ZBBX: variants seen among roughly 807,000 people sequenced by gnomAD.
ZBBX encodes zinc finger B-box domain-containing protein 1.
In ZBBX, 101 loss-of-function variants were observed where a neutral mutation model predicts 108.5. The observed-to-expected ratio is 0.93, with a 90% CI of 0.79 to 1.10. The LOEUF is 1.10. ZBBX is among the 50% of genes least tolerant of loss of function. The probability of loss-of-function intolerance (pLI) is 0.00; values close to 1 mark genes in which losing one functional copy is unlikely to be tolerated. For missense variants in ZBBX, 1,009 were observed against 941.4 expected (o/e 1.07, Z -0.94); for synonymous variants, 356 against 323.4 (o/e 1.10, Z -1.08).
At chr3:167,380,905 C>CACACAG (rs1252699885), upstream of ZBBX, among the ~76,000 whole-genome samples, 2 of 148,980 alleles carry the variant, frequency 1.3e-5, no homozygotes, top group South Asian at 2.1e-4. Flanking sequence ...CACACACACA[C>CACACAG]AGTTAACCCA....
chr3:167,342,703 T>G (rs1740747107), intron 9 of ZBBX, among the ~76,000 whole-genome samples: 1 of 151,588 alleles, frequency 6.6e-6, no homozygotes, highest in Admixed American at 6.6e-5. Context: ...TTAAAATATC[T>G]CATATAAGCA....
intron 1 of ZBBX, among the ~76,000 whole-genome samples, chr3:167,406,239 G>T (rs533476231): frequency 2.6e-5 from 4 of 152,186 alleles, no homozygotes; most frequent in South Asian, 2.1e-4. Context: ...CTATAAAGAA[G>T]AATGTGATAA....
chr3:167,279,011 C>T (rs1174854626), intron 20 of ZBBX, among the ~76,000 whole-genome samples: 2 of 152,068 alleles, frequency 1.3e-5, no homozygotes. Context: ...ACATGATTAT[C>T]TCAATAGATG....
chr3:167,394,581 G>A (rs531201863), intron 1 of ZBBX, among the ~76,000 whole-genome samples: 12 of 151,714 alleles, frequency 7.9e-5, no homozygotes, highest in Non-Finnish European at 1.3e-4. Flanking sequence ...ATTGGGAAGA[G>A]AGGTAAGAAT....
intron 20 of ZBBX, among the ~76,000 whole-genome samples, chr3:167,260,690 T>C (rs1169877051): frequency 6.6e-6 from 1 of 152,198 alleles, no homozygotes; most frequent in Non-Finnish European, 1.5e-5. Flanking sequence ...TATTGTTTTG[T>C]CTTTAAGCTA....
chr3:167,337,485 C>A (rs146856691), intron 9 of ZBBX, among the ~76,000 whole-genome samples: 1 of 152,172 alleles, frequency 6.6e-6, no homozygotes, highest in Admixed American at 6.5e-5. Context: ...TGCCACTGCA[C>A]TCCATCCTGG....
the ZBBX span, among the ~76,000 whole-genome samples, chr3:167,221,567 A>T: frequency 6.6e-6 from 1 of 151,952 alleles, no homozygotes; most frequent in Non-Finnish European, 1.5e-5. Flanking sequence ...TGAAACTACT[A>T]CAATTAGAGA....
At chr3:167,263,035 C>CTTTTT (rs59613369) in intron 20 of ZBBX, among the ~76,000 whole-genome samples, 11 of 84,874 alleles carry the variant, frequency 1.3e-4, no homozygotes, top group Non-Finnish European at 1.8e-4. Flanking sequence ...TTTTCTAGTT[C>CTTTTT]TTTTTTTTTT....
rs1290579774 is a variant in ZBBX, at chr3:167,389,186, T to C, written c.-445-8781A>G. ...ATGTTTCCCTCCCTGTGCCCATGTG[T>C]TCTCACTGTTCAACTCCCACTTATG... On this transcript the variant is annotated intron_variant, in intron 1 of 21. Coordinates refer to the ZBBX transcript ENST00000455345. Among the ~76,000 whole-genome samples, 6 of 152,244 alleles carry C rather than the reference T, an allele frequency of 3.9e-5. No individual in the cohort carries two copies. In the East Asian group the frequency reaches 9.7e-4, roughly 25 times the overall value.
chr3:167,235,659 A>G (rs191900948), downstream of ZBBX, among the ~76,000 whole-genome samples: 361 of 151,716 alleles, frequency 2.4e-3, 2 homozygotes, highest in African/African-American at 7.3e-3. Flanking sequence ...AATAAACCCC[A>G]TCAATCAATT....
At chr3:167,298,901 G>GT (rs1174790828) in intron 17 of ZBBX, among the ~76,000 whole-genome samples, 1 of 151,970 alleles carries the variant, frequency 6.6e-6, no homozygotes, top group African/African-American at 2.4e-5. Context: ...AAAAAAAAAT[G>GT]TAAGTTAACA....
chr3:167,383,374 G>A (rs149592080), upstream of ZBBX, among the ~76,000 whole-genome samples: 145 of 151,900 alleles, frequency 9.5e-4, 1 homozygote, highest in East Asian at 0.027. Flanking sequence ...ATATGTATGG[G>A]GTTTTTCAAC....
chr3:167,221,267 A>G, the ZBBX span, among the ~76,000 whole-genome samples: 1 of 104,388 alleles, frequency 9.6e-6, no homozygotes, highest in South Asian at 3.6e-4. Flanking sequence ...TTCAAGTTAT[A>G]CTACAGAGCT....
intron 2 of ZBBX, among the ~76,000 whole-genome samples, chr3:167,375,275 G>A (rs574688705): frequency 1.5e-4 from 23 of 152,042 alleles, no homozygotes; most frequent in Non-Finnish European, 3.2e-4. Flanking sequence ...TTTTTGGGAC[G>A]CCTCTTTTGA....
chr3:167,288,752 T>G, intron 19 of ZBBX, 115 bp downstream of exon 19: 1 of 497,170 alleles, frequency 2.0e-6, no homozygotes. Flanking sequence ...TGAATGAATT[T>G]AAATTACAGA....
At chr3:167,271,434 T>C (rs1217650150) in intron 20 of ZBBX, among the ~76,000 whole-genome samples, 3 of 152,174 alleles carry the variant, frequency 2.0e-5, no homozygotes, top group Non-Finnish European at 2.9e-5. Context: ...CTTCCTCTAC[T>C]GCAGTCCCTG....
intron 1 of ZBBX, among the ~76,000 whole-genome samples, chr3:167,402,729 A>G (rs1748462617): frequency 6.6e-6 from 1 of 152,090 alleles, no homozygotes. Context: ...CAGAGAATAA[A>G]ATAAAATAAG....
the ZBBX span, among the ~76,000 whole-genome samples, chr3:167,193,349 C>A: frequency 6.6e-6 from 1 of 152,248 alleles, no homozygotes; most frequent in East Asian, 1.9e-4. Context: ...GAAAACAAAC[C>A]TTTCACCACA....
chr3:167,261,659 G>A (rs1026614228), intron 20 of ZBBX, among the ~76,000 whole-genome samples: 1 of 151,470 alleles, frequency 6.6e-6, no homozygotes, highest in African/African-American at 2.4e-5. Flanking sequence ...CAAACTGAAG[G>A]GCCTGTCTCA....
Sources: gnomAD v4.1 joint callset for allele counts (sites outside exome capture counted in the v4.1 genomes callset) on GRCh38, gnomAD v4.1.1 for gene constraint, MANE v1.5 for transcripts, NCBI Gene and HGNC (gene_info 2026-07-23, HGNC 2026-07-21) for gene names.